MECR: variants seen among roughly 807,000 people sequenced by gnomAD.
The protein encoded by MECR is mitochondrial trans-2-enoyl-CoA reductase, also known as enoyl-[acyl-carrier-protein] reductase, mitochondrial.
MECR carries 37 observed loss-of-function variants against 49.1 expected under a neutral mutation model. The ratio of observed to expected loss-of-function variants is 0.75; its 90% CI spans 0.58 to 0.99. The LOEUF (loss-of-function observed/expected upper bound fraction) is 0.99, where lower values mean the gene tolerates loss of function less well. MECR is among the 50% of genes least tolerant of loss of function. The probability of loss-of-function intolerance (pLI) is 0.00; values close to 1 mark genes in which losing one functional copy is unlikely to be tolerated. For synonymous variants in MECR, 198 were observed against 191.1 expected (o/e 1.04, Z -0.30); for missense variants, 470 against 479.6 (o/e 0.98, Z 0.19).
chr1:29,192,453 C>T (rs1284180027), downstream of MECR, among the ~76,000 whole-genome samples: 9 of 152,238 alleles, frequency 5.9e-5, no homozygotes, highest in East Asian at 1.7e-3. Context: ...CTCTCAAGGC[C>T]CTCTGAACAC....
chr1:29,175,972 G>A, the MECR span, among the ~76,000 whole-genome samples: 1 of 151,990 alleles, frequency 6.6e-6, no homozygotes, highest in Non-Finnish European at 1.5e-5. Context: ...CAAAAAGGTG[G>A]CCGGGCATGG....
At chr1:29,217,146 A>G (rs2151899044) in intron 1 of MECR, among the ~76,000 whole-genome samples, 1 of 150,494 alleles carries the variant, frequency 6.6e-6, no homozygotes, top group East Asian at 1.9e-4. Context: ...AAAAAAAAAA[A>G]AAAAAAAGAA....
the MECR span, among the ~76,000 whole-genome samples, chr1:29,179,026 G>C: frequency 6.6e-6 from 1 of 152,054 alleles, no homozygotes; most frequent in Non-Finnish European, 1.5e-5. Context: ...CAGCATAACT[G>C]TAAGAATGAA....
chr1:29,230,278 TCCAA>T (rs1395818938), intron 1 of MECR: 1 of 168,904 alleles, frequency 5.9e-6, no homozygotes, highest in Non-Finnish European at 1.3e-5. Flanking sequence ...GAAAACTTCT[TCCAA>T]ATAATAATAA....
In MECR at chr1:29,193,012, A is replaced by G. The variant is rs988448234; in HGVS notation, c.*1010T>C. On this transcript the variant is annotated 3_prime_UTR_variant, in exon 10 of 10. Transcript: ENST00000263702. The stretch of plus-strand genomic sequence containing the variant: ...TAGGCTGGAATGCAGTGGCATGATC[A>G]TGGCTCACTGCAGTCTAGACCTCCC... 1.3e-5 allele frequency: 2 copies of G among 150,864 alleles called. No individual in the cohort carries two copies. The highest frequency in any genetic ancestry group is 4.9e-5 in the African/African-American group (2 of 40,822). 9.3% of individuals were successfully genotyped at this position (150,864 alleles called of 1,614,324 possible). A position where few individuals can be genotyped will look rare whatever the true frequency, so the allele number is the denominator to read the frequency against.
At chr1:29,211,226 G>T (rs1191069370) in intron 3 of MECR, among the ~76,000 whole-genome samples, 1 of 151,998 alleles carries the variant, frequency 6.6e-6, no homozygotes, top group Admixed American at 6.6e-5. Flanking sequence ...ACAGGTGTAC[G>T]CTGCCACACT....
the MECR span, chr1:29,169,103 T>G: frequency 6.6e-6 from 1 of 152,252 alleles, no homozygotes; most frequent in South Asian, 2.1e-4. Flanking sequence ...TTTGAAAGTT[T>G]TACGATGTAT....
intron 5 of MECR, 64 bp downstream of exon 5, chr1:29,203,067 G>T: frequency 7.4e-7 from 1 of 1,356,396 alleles, no homozygotes; most frequent in Non-Finnish European, 1.0e-6. Flanking sequence ...ACTGGGCACC[G>T]CAGGGATGGG....
chr1:29,176,427 A>T, the MECR span, among the ~76,000 whole-genome samples: 1 of 152,072 alleles, frequency 6.6e-6, no homozygotes, highest in South Asian at 2.1e-4. Context: ...GATTAAGAAT[A>T]CGGTAACGAT....
At chr1:29,207,638 G>A (rs1676944283) in intron 3 of MECR, among the ~76,000 whole-genome samples, 1 of 151,948 alleles carries the variant, frequency 6.6e-6, no homozygotes, top group African/African-American at 2.4e-5. Flanking sequence ...TTCTCATGAG[G>A]CTGAAGTGGG....
rs12743830 is a variant in MECR at position 29,206,720 on chromosome 1, T to C, written c.550+42A>G. On this transcript the variant is annotated intron_variant, in intron 4 of 9. Transcript: ENST00000263702. ...GGTCAGGATGTGAGTGGCACCCTAGTTGCGAGACCCTGGCCTGCTCCCCCA... is the reference window on the plus strand; with the variant it reads ...GGTCAGGATGTGAGTGGCACCCTAGCTGCGAGACCCTGGCCTGCTCCCCCA... The C allele has an allele frequency of 0.018, 29,247 of 1,607,482 alleles. 354 individuals carry two copies. The highest frequency in any genetic ancestry group is 0.053 in the Middle Eastern group (311 of 5,840).
chr1:29,189,772 A>AT (rs1034534666), downstream of MECR, among the ~76,000 whole-genome samples: 16 of 151,444 alleles, frequency 1.1e-4, no homozygotes, highest in African/African-American at 2.4e-4. Context: ...TGCTGGAGGG[A>AT]TTTTTTTTCA....
At chr1:29,216,243 T>G (rs1431316781) in intron 2 of MECR, 107 bp from the exon 3 acceptor site, 127 of 1,372,750 alleles carry the variant, frequency 9.3e-5, no homozygotes, top group Non-Finnish European at 1.2e-4. Context: ...TGCTTTGGAC[T>G]GTCTGCCTAA....
chr1:29,199,421 G>A (rs1047437937), intron 7 of MECR, among the ~76,000 whole-genome samples: 3 of 151,666 alleles, frequency 2.0e-5, no homozygotes, highest in Non-Finnish European at 4.4e-5. Flanking sequence ...TAGACACGGG[G>A]TTTCACCGTG....
chr1:29,207,133 T>A (rs751936858), intron 3 of MECR, among the ~76,000 whole-genome samples: 3 of 152,146 alleles, frequency 2.0e-5, no homozygotes, highest in Non-Finnish European at 2.9e-5. Context: ...TTTTAATTTT[T>A]TTTTTGGAGA....
At position 29,230,832 on chromosome 1, in the gene MECR, G is replaced by A. The variant is rs1428353969; in HGVS notation, c.75C>T (p.Gly25=). 2.5e-6 allele frequency: 4 copies of A among 1,607,516 alleles called. No homozygotes were observed. Among genetic ancestry groups the A allele is most frequent in the South Asian group, 1.1e-5 (1 of 90,762 alleles). ...RQWRGLLPAS[G]CHGPAASSYS... ...AGGAGGAGGCGGCAGGTCCGTGACA[G>A]CCAGAAGCTGGGAGCAGCCCCCGCC... The change falls in exon 1 of 10, where the codon GGC becomes GGT. Residue 25 remains glycine, a synonymous_variant. Coordinates refer to ENST00000263702, the MANE Select transcript of MECR (RefSeq NM_016011.5).
At position 29,230,733 on chromosome 1, in the gene MECR, G is replaced by A. The variant is rs749792867; in HGVS notation, c.174C>T (p.Val58=). ...CCGGCTTCGGCGCCGTCTCTTACTC[G>A]ACGACCTTGGCTGGATCCCCGTGGT... ...YGHHGDPAKV[V]ELKNLELAAV... The change falls in exon 1 of 10, where the codon GTC becomes GTT. Residue 58 remains valine (V), a splice_region_variant and synonymous_variant. Transcript: ENST00000263702. 3 of 1,575,598 alleles carry A rather than the reference G, an allele frequency of 1.9e-6. No individual in the cohort carries two copies. The Admixed American group carries it at 5.7e-5, about 30-fold the overall frequency.
At chr1:29,219,760 G>T (rs1680312083) in intron 1 of MECR, among the ~76,000 whole-genome samples, 2 of 152,178 alleles carry the variant, frequency 1.3e-5, no homozygotes, top group Admixed American at 6.5e-5. Flanking sequence ...GCAGCAAAAT[G>T]TAGGAATACT....
chr1:29,202,120 C>G, intron 5 of MECR, 75 bp from the exon 6 acceptor site: 1 of 1,263,566 alleles, frequency 7.9e-7, no homozygotes, highest in Non-Finnish European at 1.1e-6. Flanking sequence ...CTCTCTGCCA[C>G]AGCTGGGAGA....
Sources: allele counts gnomAD v4.1 joint callset (sites outside exome capture counted in the v4.1 genomes callset), GRCh38; gene constraint gnomAD v4.1.1; transcripts MANE v1.5; gene names NCBI Gene and HGNC (gene_info 2026-07-23, HGNC 2026-07-21).